Variants in ADAMTS12 observed in about 807,000 individuals in gnomAD.
ADAMTS12 encodes the protein A disintegrin and metalloproteinase with thrombospondin motifs 12.
In ADAMTS12, 118 loss-of-function variants were observed where a neutral mutation model predicts 167.8. The ratio of observed to expected loss-of-function variants is 0.70; its 90% CI spans 0.61 to 0.82. The LOEUF (loss-of-function observed/expected upper bound fraction) is 0.82, where lower values mean the gene tolerates loss of function less well. Ranked by LOEUF, ADAMTS12 falls within the 40% of genes least tolerant of loss-of-function variation. The pLI is 0.00. For missense variants in ADAMTS12, 1,916 were observed against 1,998.8 expected, an observed-to-expected ratio of 0.96 and a Z score of 0.79; for synonymous variants, 704 against 716.9, an observed-to-expected ratio of 0.98 and a Z score of 0.29.
Position 33,638,200 on chromosome 5 carries a change from T to C in ADAMTS12, c.1719-454A>G, listed in dbSNP as rs1740284167. On this transcript the variant is annotated intron_variant, in intron 11 of 23. Coordinates refer to ENST00000504830, the MANE Select transcript of ADAMTS12 (RefSeq NM_030955.4). ...GCAATAATCAAACCAGTCCAATTCT[T>C]ATCTCCATTCCTATCTCTACTTTTA... Among the ~76,000 whole-genome samples the C allele has an allele frequency of 2.0e-5, 3 of 152,176 alleles. No individual in the cohort carries two copies. The South Asian group carries it at 6.2e-4, about 32-fold the overall frequency.
chr5:33,756,460 G>A (rs1745169536), intron 2 of ADAMTS12, among the ~76,000 whole-genome samples: 1 of 152,182 alleles, frequency 6.6e-6, no homozygotes, highest in Admixed American at 6.5e-5. Context: ...ATTATTTCTT[G>A]TTGCTGGTTT....
chr5:33,880,992 G>T, intron 2 of ADAMTS12, 127 bp downstream of exon 2: 1 of 1,391,672 alleles, frequency 7.2e-7, no homozygotes, highest in Non-Finnish European at 9.7e-7. Context: ...TTGGAGGCCA[G>T]GATCATCACA....
intron 2 of ADAMTS12, among the ~76,000 whole-genome samples, chr5:33,836,108 C>A (rs1436915497): frequency 6.6e-6 from 1 of 152,180 alleles, no homozygotes; most frequent in East Asian, 1.9e-4. Context: ...TAAGTTATCA[C>A]AAAGCATTCC....
At chr5:33,731,818 C>T (rs1456887842) in intron 3 of ADAMTS12, among the ~76,000 whole-genome samples, 2 of 152,098 alleles carry the variant, frequency 1.3e-5, no homozygotes, top group African/African-American at 2.4e-5. Context: ...TCTTATTAGA[C>T]TGCATGTGTT....
intron 3 of ADAMTS12, among the ~76,000 whole-genome samples, chr5:33,730,289 G>GGGGT (rs1554038433): frequency 0.053 from 7,601 of 144,250 alleles, 315 homozygotes; most frequent in South Asian, 0.12. Flanking sequence ...AGTCCATTAG[G>GGGGT]GTGTGTGTGT....
chr5:33,850,081 C>T (rs759795813), intron 2 of ADAMTS12, among the ~76,000 whole-genome samples: 3 of 152,278 alleles, frequency 2.0e-5, no homozygotes, highest in Middle Eastern at 3.4e-3. Flanking sequence ...ATTCCTCTCA[C>T]GGAGATTTTC....
At chr5:33,862,596 C>G (rs574917528) in intron 2 of ADAMTS12, among the ~76,000 whole-genome samples, 1 of 152,250 alleles carries the variant, frequency 6.6e-6, no homozygotes, top group South Asian at 2.1e-4. Context: ...GGATTCACAG[C>G]CTAATTCTAC....
chr5:33,686,845 T>C (rs565457966), intron 3 of ADAMTS12, among the ~76,000 whole-genome samples: 2 of 149,876 alleles, frequency 1.3e-5, no homozygotes, highest in Admixed American at 6.7e-5. Flanking sequence ...TGCTGTGTCC[T>C]CATCTGTCTC....
chr5:33,706,007 T>C (rs1743189923), intron 3 of ADAMTS12, among the ~76,000 whole-genome samples: 1 of 152,116 alleles, frequency 6.6e-6, no homozygotes, highest in African/African-American at 2.4e-5. Flanking sequence ...TGTTCATGAA[T>C]TGAAATAATT....
At position 33,576,214 on chromosome 5, in the gene ADAMTS12, A is replaced by G; in HGVS notation, c.3812T>C (p.Leu1271Pro). 2 of 1,614,172 alleles carry G rather than the reference A, an allele frequency of 1.2e-6. No individual in the cohort carries two copies. Among genetic ancestry groups the G allele is most frequent in the Non-Finnish European group, 1.7e-6 (2 of 1,180,040 alleles). ...TTTTGTTTGGTTCATGTTGTTTGGA[A>G]GTTTCAGGTGGTTACGGTTTGCCGT... ...GKTANRNHLK[L>P]PNNMNQTKSS... The change falls in exon 19 of 24, where the codon CTT becomes CCT. Residue 1271 changes from leucine to proline, a missense_variant. Leu to Pro is a moderately conservative substitution (Grantham distance 98). Transcript: ENST00000504830.
chr5:33,681,517 G>T (rs1214571009), intron 5 of ADAMTS12, among the ~76,000 whole-genome samples: 1 of 152,158 alleles, frequency 6.6e-6, no homozygotes, highest in African/African-American at 2.4e-5. Context: ...GGATCTAACA[G>T]AATAAAGACA....
At chr5:33,548,878 C>T (rs968188157) in intron 21 of ADAMTS12, among the ~76,000 whole-genome samples, 2 of 152,320 alleles carry the variant, frequency 1.3e-5, no homozygotes, top group East Asian at 3.9e-4. Context: ...TCATCAGATT[C>T]GTCCTTGTTC....
At chr5:33,883,873 T>C (rs1379568209) in intron 1 of ADAMTS12, among the ~76,000 whole-genome samples, 3 of 152,220 alleles carry the variant, frequency 2.0e-5, no homozygotes, top group Non-Finnish European at 2.9e-5. Context: ...CCAATCTGTA[T>C]TGGAGGACCT....
chr5:33,649,517 G>A, intron 8 of ADAMTS12, 37 bp downstream of exon 8: 1 of 1,604,748 alleles, frequency 6.2e-7, no homozygotes, highest in Non-Finnish European at 8.5e-7. Context: ...AATTTAAAGA[G>A]ACCCAGGTGA....
At chr5:33,844,282 T>G (rs957481084) in intron 2 of ADAMTS12, among the ~76,000 whole-genome samples, 1 of 152,208 alleles carries the variant, frequency 6.6e-6, no homozygotes, top group African/African-American at 2.4e-5. Flanking sequence ...ACAAGAGAGA[T>G]AACTTTAAAC....
chr5:33,751,174 A>G (rs2112390106), intron 3 of ADAMTS12: 1 of 516,798 alleles, frequency 1.9e-6, no homozygotes, highest in East Asian at 3.1e-5. Context: ...CTTCTCATTA[A>G]GAATATGCAG....
In ADAMTS12 at chr5:33,524,663, G is replaced by A. The variant is rs1004806369; in HGVS notation, c.*2525C>T. The A allele has an allele frequency of 3.9e-5, 6 of 152,174 alleles. No homozygotes were observed. The highest frequency in any genetic ancestry group is 1.2e-4 in the African/African-American group (5 of 41,414). 9.4% of individuals were successfully genotyped at this position (152,174 alleles called of 1,614,324 possible). On this transcript the variant is annotated 3_prime_UTR_variant, in exon 24 of 24. Transcript: ENST00000504830. ...CACTGGGACATGTCAAAATACTGAC[G>A]ACTCATCACTGAGTGATCGCCAAGG...
intron 13 of ADAMTS12, among the ~76,000 whole-genome samples, chr5:33,625,393 A>G (rs1222182833): frequency 1.3e-5 from 2 of 152,176 alleles, no homozygotes; most frequent in Non-Finnish European, 1.5e-5. Context: ...CTATGAGTAA[A>G]ATGCCAGCCC....
intron 2 of ADAMTS12, among the ~76,000 whole-genome samples, chr5:33,795,882 A>G (rs1746754945): frequency 6.6e-6 from 1 of 152,204 alleles, no homozygotes; most frequent in African/African-American, 2.4e-5. Flanking sequence ...ATACTTAGAA[A>G]TTCCATTTGG....
Sources: gnomAD v4.1 joint callset for allele counts (sites outside exome capture counted in the v4.1 genomes callset) on GRCh38, gnomAD v4.1.1 for gene constraint, MANE v1.5 for transcripts, NCBI Gene and HGNC (gene_info 2026-07-23, HGNC 2026-07-21) for gene names.